The following AKAP9 variants were observed in gnomAD, a reference collection of about 807,000 sequenced individuals.
AKAP9 encodes the protein A-kinase anchor protein 9.
A neutral mutation model predicts 488.5 loss-of-function variants in AKAP9; 311 were observed. The observed-to-expected ratio is 0.64, with a 90% confidence interval of 0.58 to 0.70. The LOEUF (loss-of-function observed/expected upper bound fraction) is 0.70, where lower values mean the gene tolerates loss of function less well. Among genes scored for constraint, AKAP9 ranks in the 30% least tolerant of loss-of-function variants. The probability of loss-of-function intolerance (pLI) is 0.00; values close to 1 mark genes in which losing one functional copy is unlikely to be tolerated. For synonymous variants in AKAP9, 1,462 were observed against 1,483.5 expected, an observed-to-expected ratio of 0.99 and a Z score of 0.33; for missense variants, 4,215 against 4,374.5, an observed-to-expected ratio of 0.96 and a Z score of 1.03.
intron 2 of AKAP9, among the ~76,000 whole-genome samples, chr7:91,979,612 G>A (rs79855553): frequency 0.051 from 7,762 of 152,250 alleles, 270 homozygotes; most frequent in Non-Finnish European, 0.079. Flanking sequence ...ATATACTTAT[G>A]ATAAAGTTTA....
chr7:92,032,926 G>T (rs1250789326), intron 16 of AKAP9, among the ~76,000 whole-genome samples: 1 of 151,962 alleles, frequency 6.6e-6, no homozygotes, highest in Non-Finnish European at 1.5e-5. Context: ...TGTTCTTTTG[G>T]TTTACTAGAT....
intron 14 of AKAP9, among the ~76,000 whole-genome samples, chr7:92,028,162 C>T (rs1369927529): frequency 5.3e-5 from 8 of 151,898 alleles, no homozygotes; most frequent in South Asian, 2.1e-4. Context: ...TGCGGAAGGC[C>T]GCAGGGTCCT....
intron 28 of AKAP9, among the ~76,000 whole-genome samples, chr7:92,075,344 GA>G (rs566510005): frequency 2.1e-4 from 32 of 152,350 alleles, no homozygotes; most frequent in African/African-American, 6.0e-4. Flanking sequence ...AGTAGTTACA[GA>G]AATGTAGGGA....
At chr7:92,019,624 C>T (rs1413060306) in intron 12 of AKAP9, among the ~76,000 whole-genome samples, 4 of 150,476 alleles carry the variant, frequency 2.7e-5, no homozygotes, top group South Asian at 2.1e-4. Flanking sequence ...ATGTCATATA[C>T]ATATATACTA....
In AKAP9 at chr7:91,994,617, T is replaced by G. The variant is rs930294584; in HGVS notation, c.577-4T>G. 1 of 1,610,250 alleles carries G rather than the reference T, an allele frequency of 6.2e-7. No homozygotes were observed. Among genetic ancestry groups the G allele is most frequent in the Non-Finnish European group, 8.5e-7 (1 of 1,178,184 alleles). On this transcript the variant is annotated splice_polypyrimidine_tract_variant and splice_region_variant and intron_variant, in intron 5 of 49. Coordinates refer to ENST00000356239, the MANE Select transcript of AKAP9 (RefSeq NM_005751.5). ...TAAATCTAGCACTTACTATTTTCTTTCAGTTACAAGAATTTGAAGCTGCCA... is the reference window on the plus strand; with the variant it reads ...TAAATCTAGCACTTACTATTTTCTTGCAGTTACAAGAATTTGAAGCTGCCA...
At position 91,992,939 on chromosome 7, in the gene AKAP9, C is replaced by G. The variant is rs746612786; in HGVS notation, c.460C>G (p.Pro154Ala). The G allele has an allele frequency of 2.5e-6, 4 of 1,613,950 alleles. No homozygotes were observed. Among genetic ancestry groups the G allele is most frequent in the South Asian group, 2.2e-5 (2 of 91,054 alleles). Reference protein sequence around the residue: ...SYSEQGAQDSPTHLEMMESEL... With the variant: ...SYSEQGAQDSATHLEMMESEL... ...TTCTGAACAAGGAGCACAAGACAGT[C>G]CGACTCATCTAGAGATGATGGAAAG... Residue 154 changes from proline (P) to alanine (A), a missense_variant, in exon 5 of 50, where the codon CCG becomes GCG. Coordinates refer to ENST00000356239, the MANE Select transcript of AKAP9 (RefSeq NM_005751.5).
chr7:92,086,750 G>C (rs1814639234), intron 37 of AKAP9, among the ~76,000 whole-genome samples: 2 of 152,158 alleles, frequency 1.3e-5, no homozygotes, highest in Non-Finnish European at 2.9e-5. Context: ...GAAATACAAG[G>C]TTAGGTTCCT....
intron 16 of AKAP9, 52 bp from the exon 17 acceptor site, chr7:92,038,367 C>A: frequency 7.0e-7 from 1 of 1,435,068 alleles, no homozygotes; most frequent in Non-Finnish European, 9.7e-7. Flanking sequence ...TTTTTAAATT[C>A]CTGCTGATAT....
At position 92,045,074 on chromosome 7, in the gene AKAP9, A is replaced by C. The variant is rs1282345552; in HGVS notation, c.5229A>C (p.Ala1743=). ...TCTTAGAAGTTGTAAAGACAACAGC[A>C]GCTGTTGAAGAAACAATTGGTCGCC... ...KILLEVVKTT[A]AVEETIGRHV... The change falls in exon 21 of 50, where the codon GCA becomes GCC. Residue 1743 remains alanine (A), a synonymous_variant. Transcript: ENST00000356239. 1 of 1,613,848 alleles carries C rather than the reference A, an allele frequency of 6.2e-7. No individual in the cohort carries two copies. The highest frequency in any genetic ancestry group is 2.2e-5 in the East Asian group (1 of 44,858).
At chr7:92,007,500 T>G (rs189627728) in intron 8 of AKAP9, among the ~76,000 whole-genome samples, 1 of 152,052 alleles carries the variant, frequency 6.6e-6, no homozygotes, top group Non-Finnish European at 1.5e-5. Context: ...GATTTATATC[T>G]TTAATGTAAA....
chr7:92,038,901 G>GTTGTT (rs764132877), intron 17 of AKAP9, 129 bp downstream of exon 17: 46 of 724,454 alleles, frequency 6.3e-5, no homozygotes, highest in African/African-American at 5.2e-4. Flanking sequence ...TATGACTCAC[G>GTTGTT]TTGTTTTGTT....
intron 8 of AKAP9, among the ~76,000 whole-genome samples, chr7:92,008,070 T>C (rs1178381141): frequency 6.6e-6 from 1 of 152,162 alleles, no homozygotes; most frequent in Non-Finnish European, 1.5e-5. Flanking sequence ...TGAAAGTTTA[T>C]TATTTGAAAA....
intron 1 of AKAP9, among the ~76,000 whole-genome samples, chr7:91,968,208 T>C (rs938251459): frequency 6.6e-6 from 1 of 152,226 alleles, no homozygotes; most frequent in South Asian, 2.1e-4. Context: ...CCTCTGAAAG[T>C]GCTGAGATTA....
intron 33 of AKAP9, among the ~76,000 whole-genome samples, chr7:92,084,282 A>AC (rs1563114704): frequency 6.6e-6 from 1 of 152,250 alleles, no homozygotes; most frequent in Admixed American, 6.5e-5. Flanking sequence ...AAATAAAAAA[A>AC]CGGGGGCAGT....
intron 2 of AKAP9, 82 bp downstream of exon 2, chr7:91,974,050 A>G (rs1795385307): frequency 1.4e-5 from 21 of 1,525,230 alleles, no homozygotes; most frequent in Non-Finnish European, 1.7e-5. Flanking sequence ...ACTGTGCGCA[A>G]TTTGATCATG....
chr7:92,062,599 G>A, intron 24 of AKAP9, 113 bp downstream of exon 24: 1 of 847,318 alleles, frequency 1.2e-6, no homozygotes, highest in African/African-American at 1.7e-5. Context: ...ATTTTATAGA[G>A]AGATTTAAAA....
chr7:91,951,283 C>G (rs1186285082), intron 1 of AKAP9, among the ~76,000 whole-genome samples: 8 of 151,746 alleles, frequency 5.3e-5, no homozygotes, highest in Admixed American at 5.3e-4. Context: ...CTTTCTCTAT[C>G]TCACTCTCTT....
In AKAP9 at chr7:92,097,795, G is replaced by T; in HGVS notation, c.10607+1G>T. ...TTCTACCCCAGAAAGCCTCTGAGAG[G>T]TTAGACTTTTCTGCCTGATCTTTGG... On this transcript the variant is annotated splice_donor_variant, in intron 42 of 49. Coordinates refer to ENST00000356239, the MANE Select transcript of AKAP9 (RefSeq NM_005751.5). LOFTEE classifies it high-confidence loss of function. 6.2e-7 allele frequency: 1 copy of T among 1,613,972 alleles called. No homozygotes were observed. Among genetic ancestry groups the T allele is most frequent in the Non-Finnish European group, 8.5e-7 (1 of 1,179,858 alleles).
At position 92,086,263 on chromosome 7, in the gene AKAP9, A is replaced by G; in HGVS notation, c.9060A>G (p.Ser3020=). Residue 3020 remains serine, a synonymous_variant, in exon 37 of 50, where the codon TCA becomes TCG. Coordinates refer to ENST00000356239, the MANE Select transcript of AKAP9 (RefSeq NM_005751.5). The part of the protein sequence containing the change: ...YDSSQSHESF[S]DWRGELLLAL... ...GTTCTCAATCTCATGAGAGCTTCTCAGACTGGCGAGGTGAACTACTGCTTG... is the reference window on the plus strand; with the variant it reads ...GTTCTCAATCTCATGAGAGCTTCTCGGACTGGCGAGGTGAACTACTGCTTG... 2 of 1,614,154 alleles carry G rather than the reference A, an allele frequency of 1.2e-6. No individual in the cohort carries two copies. The highest frequency in any genetic ancestry group is 1.7e-6 in the Non-Finnish European group (2 of 1,180,002).
Sources: gnomAD v4.1 joint callset for allele counts (sites outside exome capture counted in the v4.1 genomes callset) on GRCh38, gnomAD v4.1.1 for gene constraint, MANE v1.5 for transcripts, NCBI Gene and HGNC (gene_info 2026-07-23, HGNC 2026-07-21) for gene names.